PDGFC: variants seen among roughly 807,000 people sequenced by gnomAD.
The protein encoded by PDGFC is platelet derived growth factor C, also known as platelet-derived growth factor C.
Under a neutral mutation model 35.5 loss-of-function variants are expected in PDGFC, and 12 were observed. That is an observed-to-expected ratio of 0.34 (90% confidence interval 0.22 to 0.55). The LOEUF is 0.55. Ranked by LOEUF, PDGFC falls within the 20% of genes least tolerant of loss-of-function variation. The pLI, the probability that PDGFC is intolerant of heterozygous loss-of-function variation, is 0.91. For synonymous variants in PDGFC, 159 were observed against 148.8 expected (o/e 1.07, Z -0.50); for missense variants, 322 against 412.4 (o/e 0.78, Z 1.90).
At chr4:156,824,627 TTA>T (rs1732391647) in intron 2 of PDGFC, among the ~76,000 whole-genome samples, 1 of 152,110 alleles carries the variant, frequency 6.6e-6, no homozygotes, top group African/African-American at 2.4e-5. Flanking sequence ...ACATAAGTGA[TTA>T]CCTATCTTCA....
intron 3 of PDGFC, among the ~76,000 whole-genome samples, chr4:156,792,587 C>G (rs1731326453): frequency 6.6e-6 from 1 of 152,024 alleles, no homozygotes; most frequent in Admixed American, 6.6e-5. Flanking sequence ...AATACACTAT[C>G]TTCAGGCAGA....
rs368139222 is a variant in PDGFC at position 156,816,074 on chromosome 4, C to T, written c.315-5057G>A. Among the ~76,000 whole-genome samples the T allele has an allele frequency of 4.6e-5, 7 of 152,240 alleles. No homozygotes were observed. In the South Asian group the frequency reaches 1.5e-3, roughly 32 times the overall value. Reference sequence around the variant, plus strand: ...ACTCCTGAGAATTTTAAGGAGTATACCAAAGAAATGAATTCATTAGTAAAC... The same window carrying T: ...ACTCCTGAGAATTTTAAGGAGTATATCAAAGAAATGAATTCATTAGTAAAC... On this transcript the variant is annotated intron_variant, in intron 2 of 5. Transcript: ENST00000502773.
chr4:156,830,285 C>CAACT (rs1728895928), intron 2 of PDGFC, among the ~76,000 whole-genome samples: 1 of 151,140 alleles, frequency 6.6e-6, no homozygotes, highest in South Asian at 2.1e-4. Flanking sequence ...CAGACCTTGT[C>CAACT]AACTGTGTGA....
chr4:156,826,143 T>C (rs915798621), intron 2 of PDGFC, among the ~76,000 whole-genome samples: 6 of 148,128 alleles, frequency 4.1e-5, no homozygotes, highest in African/African-American at 1.2e-4. Context: ...GGGATTACAG[T>C]CATGAGCCAC....
chr4:156,960,489 G>A (rs1732317870), intron 1 of PDGFC, among the ~76,000 whole-genome samples: 1 of 150,964 alleles, frequency 6.6e-6, no homozygotes, highest in African/African-American at 2.4e-5. Context: ...CTATATATGT[G>A]TGTGTTCTTT....
intron 1 of PDGFC, among the ~76,000 whole-genome samples, chr4:156,941,145 A>C (rs985129112): frequency 2.0e-5 from 3 of 152,136 alleles, no homozygotes; most frequent in Non-Finnish European, 4.4e-5. Context: ...TGTAAACTAA[A>C]TTGTGAATTA....
intron 3 of PDGFC, among the ~76,000 whole-genome samples, chr4:156,779,522 A>T (rs72683331): frequency 6.6e-6 from 1 of 152,318 alleles, no homozygotes; most frequent in Non-Finnish European, 1.5e-5. Flanking sequence ...GCCAGCATTT[A>T]AAAGCAATAC....
intron 1 of PDGFC, among the ~76,000 whole-genome samples, chr4:156,910,634 G>A (rs1039980264): frequency 3.3e-5 from 5 of 151,926 alleles, no homozygotes; most frequent in African/African-American, 9.7e-5. Flanking sequence ...TTCTTGAGAC[G>A]GCTGTAGCAT....
At chr4:156,957,778 T>C (rs767274100) in intron 1 of PDGFC, among the ~76,000 whole-genome samples, 21 of 151,970 alleles carry the variant, frequency 1.4e-4, no homozygotes, top group Non-Finnish European at 2.1e-4. Context: ...CATACATCAA[T>C]GTTCCTCCCT....
intron 1 of PDGFC, among the ~76,000 whole-genome samples, chr4:156,871,596 G>T (rs953159657): frequency 2.0e-5 from 3 of 151,986 alleles, no homozygotes; most frequent in African/African-American, 4.8e-5. Flanking sequence ...AAACTAAATA[G>T]AAAATGTGCC....
chr4:156,886,895 G>C (rs901900693), intron 1 of PDGFC: 1 of 152,154 alleles, frequency 6.6e-6, no homozygotes, highest in African/African-American at 2.4e-5. Context: ...AATTAACCCT[G>C]AAACTGTGCT....
At chr4:156,771,859 T>G (rs1730701660) in intron 4 of PDGFC, among the ~76,000 whole-genome samples, 1 of 152,188 alleles carries the variant, frequency 6.6e-6, no homozygotes, top group East Asian at 1.9e-4. Context: ...AACAGATATT[T>G]TGAGTGCATT....
At chr4:156,807,135 T>C (rs974969370) in intron 3 of PDGFC, among the ~76,000 whole-genome samples, 4 of 151,972 alleles carry the variant, frequency 2.6e-5, no homozygotes, top group Non-Finnish European at 5.9e-5. Context: ...AGAAATTTAT[T>C]TTTTATTAGT....
At chr4:156,808,522 C>A (rs528610086) in intron 3 of PDGFC, among the ~76,000 whole-genome samples, 1 of 151,848 alleles carries the variant, frequency 6.6e-6, no homozygotes, top group Non-Finnish European at 1.5e-5. Flanking sequence ...GGGACCCTTG[C>A]CCCTGAGCAA....
intron 4 of PDGFC, among the ~76,000 whole-genome samples, chr4:156,769,042 C>T (rs532471208): frequency 2.0e-5 from 3 of 151,880 alleles, no homozygotes; most frequent in Admixed American, 2.0e-4. Flanking sequence ...TCAAATAAAG[C>T]AATTCCAATG....
At chr4:156,765,624 A>C (rs2110789761) in intron 5 of PDGFC, among the ~76,000 whole-genome samples, 1 of 152,322 alleles carries the variant, frequency 6.6e-6, no homozygotes, top group Non-Finnish European at 1.5e-5. Context: ...TAAGACTATT[A>C]TTTCATAAAA....
At chr4:156,927,862 A>C (rs1731451414) in intron 1 of PDGFC, among the ~76,000 whole-genome samples, 1 of 152,134 alleles carries the variant, frequency 6.6e-6, no homozygotes, top group East Asian at 1.9e-4. Flanking sequence ...TACTGGTACC[A>C]ATTTACTATA....
chr4:156,879,557 A>C (rs2111166269), intron 1 of PDGFC, among the ~76,000 whole-genome samples: 1 of 152,328 alleles, frequency 6.6e-6, no homozygotes, highest in Non-Finnish European at 1.5e-5. Context: ...ACAGGACATT[A>C]ATAATAAAGA....
chr4:156,970,288 C>T (rs923497254), intron 1 of PDGFC, among the ~76,000 whole-genome samples: 1 of 152,120 alleles, frequency 6.6e-6, no homozygotes, highest in African/African-American at 2.4e-5. Context: ...CCTCTAAAAA[C>T]GACCACACAG....
Sources: gnomAD v4.1 joint callset for allele counts (sites outside exome capture counted in the v4.1 genomes callset) on GRCh38, gnomAD v4.1.1 for gene constraint, MANE v1.5 for transcripts, NCBI Gene and HGNC (gene_info 2026-07-23, HGNC 2026-07-21) for gene names.